The following WNK3 variants were observed in gnomAD, a reference collection of about 807,000 sequenced individuals.
WNK3 encodes the protein WNK lysine deficient protein kinase 3.
WNK3 carries 18 observed loss-of-function variants against 116.7 expected under a neutral mutation model. The ratio of observed to expected loss-of-function variants is 0.15; its 90% CI spans 0.11 to 0.23. The LOEUF is 0.23. Ranked by LOEUF, WNK3 falls within the 10% of genes least tolerant of loss-of-function variation. The pLI is 1.00. For synonymous variants in WNK3, 404 were observed against 469.4 expected (o/e 0.86, Z 1.80); for missense variants, 993 against 1,323.8 (o/e 0.75, Z 3.88).
intron 10 of WNK3, among the ~76,000 whole-genome samples, chrX:54,290,718 GAA>G (rs1557164835): frequency 1.8e-5 from 2 of 111,570 alleles, no homozygotes; most frequent in African/African-American, 6.5e-5. Flanking sequence ...AGTCCCATGA[GAA>G]AGCTCAAAGG....
chrX:54,257,250 C>G (rs1316426660), intron 11 of WNK3, among the ~76,000 whole-genome samples: 1 of 110,492 alleles, frequency 9.1e-6, no homozygotes, highest in Non-Finnish European at 1.9e-5. Flanking sequence ...CCTGTCCTTC[C>G]CCAGTGCCGC....
At chrX:54,330,071 T>C (rs938639020) in intron 2 of WNK3, among the ~76,000 whole-genome samples, 1 of 110,939 alleles carries the variant, frequency 9.0e-6, no homozygotes, top group African/African-American at 3.3e-5. Flanking sequence ...AAGACTTCAT[T>C]TCCACAAAAA....
In WNK3 at chrX:54,258,833, G is replaced by A. The variant is rs973262910; in HGVS notation, c.2102+441C>T. On this transcript the variant is annotated intron_variant, in intron 11 of 23. Transcript: ENST00000354646. ...AATAGGCATAATAGTAGAATGAACAGGACAAAGGAAACAATCAATGAACTT... is the reference window on the plus strand; with the variant it reads ...AATAGGCATAATAGTAGAATGAACAAGACAAAGGAAACAATCAATGAACTT... 1.7e-4 allele frequency among the ~76,000 whole-genome samples: 18 copies of A among 107,532 alleles called. 1 individual carries two copies. In the East Asian group the frequency reaches 1.7e-3, roughly 10 times the overall value. The allele number at this position is 107,532 out of a possible 115,157, so 93.4% of individuals were successfully genotyped here. A position where few individuals can be genotyped will look rare whatever the true frequency, so the allele number is the denominator to read the frequency against.
chrX:54,304,972 A>G (rs2068806704), intron 5 of WNK3, among the ~76,000 whole-genome samples: 1 of 109,597 alleles, frequency 9.1e-6, no homozygotes, highest in Non-Finnish European at 1.9e-5. Context: ...CCACATCTTT[A>G]TTAAAAAAAT....
At chrX:54,355,228 C>T (rs1165964571) in intron 1 of WNK3, among the ~76,000 whole-genome samples, 3 of 111,619 alleles carry the variant, frequency 2.7e-5, no homozygotes, top group African/African-American at 9.8e-5. Context: ...GTCAACACTA[C>T]AGAAATCTAA....
exon 13 of WNK3, chrX:54,254,013 G>A (rs782322314): frequency 1.7e-6 from 2 of 1,209,766 alleles, no homozygotes; most frequent in South Asian, 1.8e-5. Flanking sequence ...ACTTGAAGGT[G>A]ACCATCTTGT....
At chrX:54,226,089 C>A (rs1557147696) in intron 22 of WNK3, among the ~76,000 whole-genome samples, 1 of 29,542 alleles carries the variant, frequency 3.4e-5, no homozygotes, top group Non-Finnish European at 6.9e-5. Flanking sequence ...GAGATATCCA[C>A]ATACCCAAAA....
intron 10 of WNK3, among the ~76,000 whole-genome samples, chrX:54,275,491 C>A (rs1449292504): frequency 1.3e-5 from 1 of 74,840 alleles, no homozygotes; most frequent in Non-Finnish European, 2.5e-5. Context: ...CTTAGAGCAA[C>A]CACTAAGAAA....
intron 10 of WNK3, among the ~76,000 whole-genome samples, chrX:54,267,774 T>C (rs1164728565): frequency 9.1e-6 from 1 of 109,511 alleles, no homozygotes; most frequent in Non-Finnish European, 1.9e-5. Context: ...CCAGCTTGGG[T>C]AACAGAGCGA....
intron 1 of WNK3, among the ~76,000 whole-genome samples, chrX:54,352,778 T>C (rs1458203779): frequency 1.8e-5 from 2 of 111,993 alleles, no homozygotes; most frequent in African/African-American, 6.5e-5. Context: ...TGTATACAAA[T>C]ATTCATAGCA....
At chrX:54,213,564 A>AC (rs2067645788) in intron 22 of WNK3, among the ~76,000 whole-genome samples, 1 of 94,749 alleles carries the variant, frequency 1.1e-5, no homozygotes, top group African/African-American at 5.0e-5. Flanking sequence ...AAAAAAAAAA[A>AC]CAAACAAAAA....
chrX:54,259,664 TA>T (rs2068235835), intron 10 of WNK3, among the ~76,000 whole-genome samples: 2 of 111,788 alleles, frequency 1.8e-5, no homozygotes, highest in African/African-American at 6.5e-5. Flanking sequence ...GACTACTACT[TA>T]AAAGAAGAGG....
chrX:54,295,751 AATG>A (rs2147118727), intron 7 of WNK3, among the ~76,000 whole-genome samples: 1 of 91,561 alleles, frequency 1.1e-5, no homozygotes, highest in African/African-American at 6.6e-5. Context: ...GCAGTGGTAC[AATG>A]ATAGGTCAAT....
chrX:54,215,751 T>C (rs2067685331), intron 22 of WNK3, among the ~76,000 whole-genome samples: 1 of 111,506 alleles, frequency 9.0e-6, no homozygotes, highest in Admixed American at 9.6e-5. Context: ...GAGGAGCCCC[T>C]CTGCCCGGCC....
intron 1 of WNK3, among the ~76,000 whole-genome samples, chrX:54,348,249 T>G (rs1557178006): frequency 9.1e-6 from 1 of 110,213 alleles, no homozygotes; most frequent in Non-Finnish European, 1.9e-5. Context: ...TGATCTCAGC[T>G]TACTGCAACC....
intron 5 of WNK3, among the ~76,000 whole-genome samples, chrX:54,304,658 T>C (rs1399725385): frequency 9.0e-6 from 1 of 111,585 alleles, no homozygotes; most frequent in East Asian, 2.8e-4. Flanking sequence ...AAATGATGTC[T>C]TTTTACAGTT....
rs782633378 is a variant in WNK3 at position 54,315,200 on chromosome X, G to A, written c.538-3909C>T. Among the ~76,000 whole-genome samples, 11 of 108,850 alleles carry A rather than the reference G, an allele frequency of 1.0e-4. No individual in the cohort carries two copies. In the South Asian group the frequency reaches 4.5e-3, roughly 45 times the overall value. The allele number at this position is 108,850 out of a possible 115,157, so 94.5% of individuals were successfully genotyped here. ...TAGCTGTAGTCCTAGCTACTTGGGAGGCTGAGGTGGGAGGATCACTTGAGC... is the reference window on the plus strand; with the variant it reads ...TAGCTGTAGTCCTAGCTACTTGGGAAGCTGAGGTGGGAGGATCACTTGAGC... On this transcript the variant is annotated intron_variant, in intron 2 of 23. Coordinates refer to ENST00000354646, the Ensembl canonical transcript of WNK3.
At chrX:54,249,039 C>T (rs2068100981) in exon 17 of WNK3, 6 of 1,211,874 alleles carry the variant, frequency 5.0e-6, no homozygotes, top group Non-Finnish European at 6.7e-6. Context: ...CTGCAAACTC[C>T]AGTTTTGGAG....
At chrX:54,290,190 C>T (rs890207425) in intron 10 of WNK3, among the ~76,000 whole-genome samples, 1 of 109,914 alleles carries the variant, frequency 9.1e-6, no homozygotes, top group Non-Finnish European at 1.9e-5. Context: ...GTGGGAGAAT[C>T]GCTTGAACCC....
Sources: gnomAD v4.1 joint callset for allele counts (sites outside exome capture counted in the v4.1 genomes callset) on GRCh38, gnomAD v4.1.1 for gene constraint, MANE v1.5 for transcripts, NCBI Gene and HGNC (gene_info 2026-07-23, HGNC 2026-07-21) for gene names.